The following SUGCT variants were observed in gnomAD, a reference collection of about 807,000 sequenced individuals.
The protein encoded by SUGCT is succinyl-CoA:glutarate CoA-transferase.
SUGCT carries 41 observed loss-of-function variants against 55.0 expected under a neutral mutation model. That is an observed-to-expected ratio of 0.74 (90% confidence interval 0.58 to 0.97). The LOEUF (loss-of-function observed/expected upper bound fraction) is 0.97. SUGCT is among the 50% of genes least tolerant of loss of function. SUGCT has a pLI of 0.00. For missense variants in SUGCT, 568 were observed against 547.8 expected, an observed-to-expected ratio of 1.04 and a Z score of -0.37; for synonymous variants, 187 against 200.4, an observed-to-expected ratio of 0.93 and a Z score of 0.56.
chr7:40,601,796 A>G (rs1170277375), intron 12 of SUGCT, among the ~76,000 whole-genome samples: 1 of 151,734 alleles, frequency 6.6e-6, no homozygotes, highest in Non-Finnish European at 1.5e-5. Context: ...TGTGTGGCCC[A>G]AGATACTTCT....
At chr7:40,970,372 A>T in the SUGCT span, among the ~76,000 whole-genome samples, 10 of 152,172 alleles carry the variant, frequency 6.6e-5, no homozygotes, top group Admixed American at 4.6e-4. Context: ...AGGTTTCGCC[A>T]TGTTAGCCAG....
intron 9 of SUGCT, among the ~76,000 whole-genome samples, chr7:40,424,496 G>T (rs572743717): frequency 6.6e-6 from 1 of 152,194 alleles, no homozygotes; most frequent in East Asian, 1.9e-4. Flanking sequence ...CAGATTTTAG[G>T]TGATTTGGAG....
intron 12 of SUGCT, among the ~76,000 whole-genome samples, chr7:40,652,757 A>T (rs769245272): frequency 6.6e-6 from 1 of 152,238 alleles, no homozygotes; most frequent in Non-Finnish European, 1.5e-5. Context: ...CTATAATAAT[A>T]CTTTCCCTCT....
chr7:40,312,122 C>G (rs1795192356), intron 8 of SUGCT, among the ~76,000 whole-genome samples: 2 of 151,384 alleles, frequency 1.3e-5, no homozygotes, highest in Middle Eastern at 3.5e-3. Flanking sequence ...TCACCGCAAC[C>G]TCTGCTTCCC....
At chr7:40,890,192 T>C in the SUGCT span, among the ~76,000 whole-genome samples, 21 of 145,838 alleles carry the variant, frequency 1.4e-4, no homozygotes, top group African/African-American at 4.7e-4. Context: ...ATATTATTTA[T>C]TATATAAATA....
chr7:40,326,513 A>G (rs541296173), intron 9 of SUGCT, among the ~76,000 whole-genome samples: 6 of 152,318 alleles, frequency 3.9e-5, no homozygotes. Flanking sequence ...TGGGATTTTT[A>G]GCTTAATTTC....
rs570877233 is a variant in SUGCT at position 40,582,444 on chromosome 7, A to G, written c.1089+86058A>G. On this transcript the variant is annotated intron_variant, in intron 12 of 13. Transcript: ENST00000335693. ...TTTTGCCACTACACTATTATAATTG[A>G]GGCACAGGGTCTTGAGTTGAATATT... Among the ~76,000 whole-genome samples the G allele has an allele frequency of 2.2e-3, 333 of 152,278 alleles. 1 individual carries two copies. Among genetic ancestry groups the G allele is most frequent in the African/African-American group, 7.8e-3 (325 of 41,576 alleles).
intron 12 of SUGCT, among the ~76,000 whole-genome samples, chr7:40,525,578 A>T (rs1793752908): frequency 6.6e-6 from 1 of 152,072 alleles, no homozygotes; most frequent in Non-Finnish European, 1.5e-5. Flanking sequence ...AAAGAAAGTG[A>T]CATTTAGAAG....
At chr7:40,175,735 C>A (rs2150691566) in intron 1 of SUGCT, among the ~76,000 whole-genome samples, 1 of 152,114 alleles carries the variant, frequency 6.6e-6, no homozygotes, top group African/African-American at 2.4e-5. Context: ...CAACAAAAAG[C>A]ACAAAAATGT....
intron 12 of SUGCT, among the ~76,000 whole-genome samples, chr7:40,687,490 T>C (rs1231034348): frequency 2.6e-5 from 4 of 152,172 alleles, no homozygotes; most frequent in Admixed American, 2.6e-4. Context: ...GTCTAGTCCC[T>C]TCTACCTTTT....
the SUGCT span, among the ~76,000 whole-genome samples, chr7:40,920,627 T>C: frequency 6.6e-6 from 1 of 152,184 alleles, no homozygotes; most frequent in Non-Finnish European, 1.5e-5. Context: ...GTTTTATTTC[T>C]TCTTTCTCTT....
intron 6 of SUGCT, among the ~76,000 whole-genome samples, chr7:40,208,913 A>G (rs973219914): frequency 2.0e-5 from 3 of 152,224 alleles, no homozygotes; most frequent in Admixed American, 6.5e-5. Flanking sequence ...ATCTGCTGCA[A>G]TTAGTACAGT....
At chr7:40,687,249 A>G (rs2128646444) in intron 12 of SUGCT, among the ~76,000 whole-genome samples, 1 of 152,326 alleles carries the variant, frequency 6.6e-6, no homozygotes, top group East Asian at 1.9e-4. Flanking sequence ...AACCTACCAC[A>G]TCTAATTGTC....
At position 40,439,060 on chromosome 7, in the gene SUGCT, TGG is replaced by T. The variant is rs1491118834; in HGVS notation, c.817-10226_817-10225del. Among the ~76,000 whole-genome samples, 10 of 29,028 alleles carry T rather than the reference TGG, an allele frequency of 3.4e-4. 1 individual carries two copies. Among genetic ancestry groups the T allele is most frequent in the Admixed American group, 5.6e-4 (1 of 1,780 alleles). The allele number at this position is 29,028 out of a possible 152,430, so 19.0% of individuals were successfully genotyped here. A position where few individuals can be genotyped will look rare whatever the true frequency, so the allele number is the denominator to read the frequency against. On this transcript the variant is annotated intron_variant, in intron 9 of 13. Transcript: ENST00000335693. ...GGTATATATATATATGGTATATATA[TGG>T]TGTATATATATATATATATATATAT... is the stretch of plus-strand genomic sequence containing the variant.
chr7:40,840,932 G>T (rs1052558426), intron 13 of SUGCT, among the ~76,000 whole-genome samples: 2 of 86,626 alleles, frequency 2.3e-5, no homozygotes. Flanking sequence ...TATTTTTAGA[G>T]ACTGCCAACT....
At chr7:40,950,006 G>A in the SUGCT span, among the ~76,000 whole-genome samples, 1 of 152,182 alleles carries the variant, frequency 6.6e-6, no homozygotes, top group Non-Finnish European at 1.5e-5. Context: ...GTAATTGGTA[G>A]CTTGATAGGG....
chr7:40,399,324 T>G (rs1583597369), intron 9 of SUGCT, among the ~76,000 whole-genome samples: 1 of 152,112 alleles, frequency 6.6e-6, no homozygotes, highest in East Asian at 1.9e-4. Context: ...ATTTAAGGTA[T>G]TAAAAAATAT....
intron 12 of SUGCT, among the ~76,000 whole-genome samples, chr7:40,566,854 G>T (rs1796184564): frequency 6.6e-6 from 1 of 152,128 alleles, no homozygotes. Flanking sequence ...TATTTTTAAA[G>T]ATTCCCTATA....
intron 3 of SUGCT, among the ~76,000 whole-genome samples, chr7:40,184,468 T>G (rs1235325343): frequency 6.6e-6 from 1 of 151,908 alleles, no homozygotes; most frequent in Non-Finnish European, 1.5e-5. Context: ...GGAGTCTCAC[T>G]CTGTGAGCCA....
Sources: gnomAD v4.1 joint callset for allele counts (sites outside exome capture counted in the v4.1 genomes callset) on GRCh38, gnomAD v4.1.1 for gene constraint, MANE v1.5 for transcripts, NCBI Gene and HGNC (gene_info 2026-07-23, HGNC 2026-07-21) for gene names.